The following ARHGAP18 variants were observed in gnomAD, a reference collection of about 807,000 sequenced individuals.
ARHGAP18 encodes Rho GTPase activating protein 18, also known as rho GTPase-activating protein 18.
A neutral mutation model predicts 86.2 loss-of-function variants in ARHGAP18; 67 were observed. The ratio of observed to expected loss-of-function variants is 0.78; its 90% CI spans 0.64 to 0.95. The LOEUF is 0.95. Ranked by LOEUF, ARHGAP18 falls within the 40% of genes least tolerant of loss-of-function variation. ARHGAP18 has a pLI of 0.00. For missense variants in ARHGAP18, 691 were observed against 780.4 expected (o/e 0.89, Z 1.37); for synonymous variants, 283 against 280.4 (o/e 1.01, Z -0.09).
chr6:129,603,373 T>C (rs905882732), intron 10 of ARHGAP18, among the ~76,000 whole-genome samples: 1 of 152,168 alleles, frequency 6.6e-6, no homozygotes, highest in Non-Finnish European at 1.5e-5. Flanking sequence ...TGTGTATGTG[T>C]GTGTGTCTGT....
chr6:129,585,207 G>T (rs1436932251), intron 12 of ARHGAP18, among the ~76,000 whole-genome samples: 1 of 151,838 alleles, frequency 6.6e-6, no homozygotes, highest in Non-Finnish European at 1.5e-5. Flanking sequence ...TAGGAGAATT[G>T]CTTGAACCCA....
intron 13 of ARHGAP18, among the ~76,000 whole-genome samples, chr6:129,581,902 T>A (rs1358287012): frequency 6.6e-6 from 1 of 152,154 alleles, no homozygotes; most frequent in Non-Finnish European, 1.5e-5. Context: ...CAGTGCTATA[T>A]GCTGCATGGT....
intron 1 of ARHGAP18, among the ~76,000 whole-genome samples, chr6:129,657,051 A>G (rs1399641692): frequency 6.6e-6 from 1 of 152,156 alleles, no homozygotes; most frequent in Non-Finnish European, 1.5e-5. Context: ...TTGTTCTGAA[A>G]TTTTTCCATT....
chr6:129,642,995 A>G lies in ARHGAP18; in HGVS notation c.114-977T>C, dbSNP rs941333251. Among the ~76,000 whole-genome samples, 11 of 152,196 alleles carry G rather than the reference A, an allele frequency of 7.2e-5. No individual in the cohort carries two copies. The South Asian group carries it at 2.3e-3, about 31-fold the overall frequency. On this transcript the variant is annotated intron_variant, in intron 1 of 14. Transcript: ENST00000368149. ...CTCAGATATTATCTATGAAGAATAA[A>G]TTGAATAAATAAGAGTATTTGTATA... is the stretch of plus-strand genomic sequence containing the variant.
At chr6:129,686,944 C>T (rs1584114172) in intron 1 of ARHGAP18, among the ~76,000 whole-genome samples, 3 of 151,014 alleles carry the variant, frequency 2.0e-5, no homozygotes, top group South Asian at 2.1e-4. Flanking sequence ...GCACCGGCCA[C>T]CACACCTGGC....
At chr6:129,590,194 C>G (rs974100639) in intron 12 of ARHGAP18, among the ~76,000 whole-genome samples, 2 of 152,170 alleles carry the variant, frequency 1.3e-5, no homozygotes, top group African/African-American at 4.8e-5. Flanking sequence ...ATCCTTTAAT[C>G]CAATCAAGTT....
intron 5 of ARHGAP18, among the ~76,000 whole-genome samples, chr6:129,625,708 T>C (rs1349450677): frequency 3.3e-5 from 2 of 61,348 alleles, no homozygotes; most frequent in South Asian, 4.8e-4. Flanking sequence ...ATTTATATAT[T>C]ATATATTTAT....
intron 1 of ARHGAP18, among the ~76,000 whole-genome samples, chr6:129,686,427 T>A (rs1336997432): frequency 1.3e-5 from 2 of 152,030 alleles, no homozygotes; most frequent in African/African-American, 4.8e-5. Context: ...CACCTCCAAA[T>A]CTCACCAATC....
At chr6:129,660,559 G>A (rs1025887957) in intron 1 of ARHGAP18, among the ~76,000 whole-genome samples, 2 of 152,194 alleles carry the variant, frequency 1.3e-5, no homozygotes, top group African/African-American at 4.8e-5. Context: ...CTGAATCTGA[G>A]GTATGTTGGA....
chr6:129,626,233 A>G (rs1012524661), intron 5 of ARHGAP18, among the ~76,000 whole-genome samples: 6 of 151,310 alleles, frequency 4.0e-5, no homozygotes, highest in African/African-American at 1.5e-4. Context: ...ATATTTCTCT[A>G]TACTACTATG....
Position 129,576,495 on chromosome 6 carries a change from T to C in ARHGAP18, c.*2018A>G, listed in dbSNP as rs1788178283. The C allele has an allele frequency of 6.6e-6, 1 of 152,218 alleles. No individual in the cohort carries two copies. The highest frequency in any genetic ancestry group is 2.4e-5 in the African/African-American group (1 of 41,452). 9.4% of individuals were successfully genotyped at this position (152,218 alleles called of 1,614,324 possible). A position where few individuals can be genotyped will look rare whatever the true frequency, so the allele number is the denominator to read the frequency against. On this transcript the variant is annotated 3_prime_UTR_variant, in exon 15 of 15. Transcript: ENST00000368149. ...TGAGATTTTTTAAAGTCCATATTTTTTTGTTATTTAAACGTGATATTATTC... is the reference window on the plus strand; with the variant it reads ...TGAGATTTTTTAAAGTCCATATTTTCTTGTTATTTAAACGTGATATTATTC...
intron 1 of ARHGAP18, among the ~76,000 whole-genome samples, chr6:129,656,763 G>A (rs938527797): frequency 6.6e-6 from 1 of 152,222 alleles, no homozygotes; most frequent in African/African-American, 2.4e-5. Context: ...CTCTCCCAGA[G>A]CCAACAGTGT....
At chr6:129,614,070 C>T (rs1789039700) in intron 7 of ARHGAP18, among the ~76,000 whole-genome samples, 1 of 152,108 alleles carries the variant, frequency 6.6e-6, no homozygotes, top group South Asian at 2.1e-4. Flanking sequence ...ATTTCTATTT[C>T]CCTCATCCTT....
At chr6:129,653,506 G>A (rs1441289612) in intron 1 of ARHGAP18, among the ~76,000 whole-genome samples, 1 of 152,206 alleles carries the variant, frequency 6.6e-6, no homozygotes, top group African/African-American at 2.4e-5. Context: ...GGGGGACAGA[G>A]AGGATGGAGA....
At chr6:129,660,481 G>A (rs1562715184) in intron 1 of ARHGAP18, among the ~76,000 whole-genome samples, 1 of 137,368 alleles carries the variant, frequency 7.3e-6, no homozygotes. Flanking sequence ...GTCATTAACT[G>A]AGAAAGTGAA....
intron 1 of ARHGAP18, among the ~76,000 whole-genome samples, chr6:129,682,944 T>C (rs1027369322): frequency 3.9e-5 from 6 of 152,238 alleles, no homozygotes; most frequent in Non-Finnish European, 8.8e-5. Context: ...CTATTGATTG[T>C]TCTATTTCTT....
At chr6:129,596,179 T>C (rs1788612599) in intron 12 of ARHGAP18, among the ~76,000 whole-genome samples, 1 of 152,166 alleles carries the variant, frequency 6.6e-6, no homozygotes, top group African/African-American at 2.4e-5. Context: ...TCCAAATTTC[T>C]AATGATGGTC....
intron 1 of ARHGAP18, among the ~76,000 whole-genome samples, chr6:129,708,389 C>T (rs1774838231): frequency 6.6e-6 from 1 of 152,150 alleles, no homozygotes; most frequent in African/African-American, 2.4e-5. Flanking sequence ...TCTGCTTCAG[C>T]CTAGGCAGAG....
At position 129,702,364 on chromosome 6, in the gene ARHGAP18, C is replaced by A. The variant is rs187905083; in HGVS notation, c.113+7660G>T. Among the ~76,000 whole-genome samples, 15 of 152,322 alleles carry A rather than the reference C, an allele frequency of 9.8e-5. No individual in the cohort carries two copies. In the East Asian group the frequency reaches 1.3e-3, roughly 14 times the overall value. On this transcript the variant is annotated intron_variant, in intron 1 of 14. Transcript: ENST00000368149. The stretch of plus-strand genomic sequence containing the variant: ...ATCCATGCCCAATACCCTGACTCAT[C>A]CCCACTCTCCTCAAATAATGAGAGT...
Sources: allele counts gnomAD v4.1 joint callset (sites outside exome capture counted in the v4.1 genomes callset), GRCh38; gene constraint gnomAD v4.1.1; transcripts MANE v1.5; gene names NCBI Gene and HGNC (gene_info 2026-07-23, HGNC 2026-07-21).